CDK11B: variants seen among roughly 807,000 people sequenced by gnomAD.
CDK11B encodes the protein cyclin-dependent kinase 11B.
In CDK11B, 37 loss-of-function variants were observed where a neutral mutation model predicts 84.0. The observed-to-expected ratio is 0.44, with a 90% CI of 0.34 to 0.58. The LOEUF is 0.58. Among genes scored for constraint, CDK11B ranks in the 20% least tolerant of loss-of-function variants. CDK11B has a pLI of 0.02. For missense variants in CDK11B, 427 were observed against 834.0 expected (o/e 0.51, Z 6.01); for synonymous variants, 269 against 309.8 (o/e 0.87, Z 1.38).
At position 1,658,982 on chromosome 1, in the gene CDK11B, C is replaced by T; in HGVS notation, c.-82G>A. 5.1e-6 allele frequency: 1 copy of T among 197,884 alleles called. No homozygotes were observed. The highest frequency in any genetic ancestry group is 6.5e-5 in the South Asian group (1 of 15,468). The allele number at this position is 197,884 out of a possible 1,614,324, so 12.3% of individuals were successfully genotyped here. On this transcript the variant is annotated 5_prime_UTR_variant, in exon 1 of 20. Coordinates refer to ENST00000341832, the MANE Select transcript of CDK11B (RefSeq NM_033486.3). ...GAGCCAGAGAAGAAACAGCAACCGG[C>T]GCGCGCCAAAAGTATCGTCACTTCC... is the stretch of plus-strand genomic sequence containing the variant.
chr1:1,639,751 C>A (rs1440643153), intron 11 of CDK11B, among the ~76,000 whole-genome samples: 3 of 152,042 alleles, frequency 2.0e-5, no homozygotes, highest in Admixed American at 6.6e-5. Flanking sequence ...TCTCCCAGGC[C>A]CCAGAGGCCA....
chr1:1,650,727 TGAACTCCC>T (rs1641902446), intron 4 of CDK11B, among the ~76,000 whole-genome samples: 1 of 149,692 alleles, frequency 6.7e-6, no homozygotes, highest in Non-Finnish European at 1.5e-5. Context: ...AGGCTGGTCT[TGAACTCCC>T]GGACTCAATT....
intron 5 of CDK11B, among the ~76,000 whole-genome samples, chr1:1,649,213 C>T (rs2100904302): frequency 6.6e-6 from 1 of 152,254 alleles, no homozygotes; most frequent in East Asian, 1.9e-4. Context: ...CATTCTCCTG[C>T]CTCAGCCTCC....
rs200286198 is a variant in CDK11B at position 1,637,828 on chromosome 1, C to T, written c.1398G>A (p.Pro466=). 1,838 of 1,613,418 alleles carry T rather than the reference C, an allele frequency of 1.1e-3. 4 individuals carry two copies. The highest frequency in any genetic ancestry group is 0.011 in the African/African-American group (798 of 74,896). Residue 466 remains proline, a synonymous_variant, in exon 13 of 20, where the codon CCG becomes CCA. Transcript: ENST00000341832. ...LKMEKEKEGF[P]ITSLREINTI... is the part of the protein sequence containing the mutation. ...TGTTGATCTCCCTCAGCGACGTGAT[C>T]GGGAAGCCCTCCTTCTCCTTCTCCA...
intron 1 of CDK11B, 91 bp downstream of exon 1, chr1:1,658,823 T>C (rs1643154120): frequency 2.6e-5 from 4 of 153,942 alleles, no homozygotes; most frequent in Admixed American, 6.6e-5. Context: ...CGGGCCCGGG[T>C]CCGCCCCGCT....
intron 3 of CDK11B, among the ~76,000 whole-genome samples, chr1:1,654,747 C>A (rs1368722070): frequency 6.6e-6 from 1 of 151,826 alleles, no homozygotes; most frequent in Non-Finnish European, 1.5e-5. Context: ...CAAGCTCCAC[C>A]TCCTGGGTTC....
At chr1:1,638,910 G>C (rs1188635119) in intron 11 of CDK11B, among the ~76,000 whole-genome samples, 1 of 151,302 alleles carries the variant, frequency 6.6e-6, no homozygotes, top group South Asian at 2.1e-4. Context: ...AGACCAGCCC[G>C]GCCAACATAG....
chr1:1,638,825 G>A (rs185272303), intron 11 of CDK11B, among the ~76,000 whole-genome samples: 277 of 152,116 alleles, frequency 1.8e-3, no homozygotes, highest in African/African-American at 6.1e-3. Flanking sequence ...TCCCAGCCAG[G>A]TGCAAGGGCT....
At chr1:1,658,282 T>C (rs1181226507) in intron 1 of CDK11B, among the ~76,000 whole-genome samples, 1 of 149,296 alleles carries the variant, frequency 6.7e-6, no homozygotes, top group Non-Finnish European at 1.5e-5. Flanking sequence ...AGTTCCAGGC[T>C]GAAGTGCGCT....
At chr1:1,637,335 C>T in intron 14 of CDK11B, 73 bp downstream of exon 14, 2 of 1,575,548 alleles carry the variant, frequency 1.3e-6, no homozygotes. Flanking sequence ...CTCCCTGCAG[C>T]ACTGTCACCG....
intron 4 of CDK11B, among the ~76,000 whole-genome samples, chr1:1,650,000 G>T (rs1243510191): frequency 6.8e-6 from 1 of 147,544 alleles, no homozygotes; most frequent in Non-Finnish European, 1.5e-5. Context: ...AAGACCGGGC[G>T]CGGTGGCTCA....
rs184923655 is a variant in CDK11B, at chr1:1,637,067, G to A, written c.1692+14C>T. On this transcript the variant is annotated intron_variant, in intron 15 of 19. Coordinates refer to ENST00000341832, the MANE Select transcript of CDK11B (RefSeq NM_033486.3). ...CAGGTCTCCCTGGGATGGGCCACTC[G>A]GAGGGGGGCTCACCTTGAGGATGCC... 1.0e-4 allele frequency: 162 copies of A among 1,613,532 alleles called. 2 individuals carry two copies. In the African/African-American group the frequency reaches 1.7e-3, roughly 17 times the overall value.
intron 3 of CDK11B, among the ~76,000 whole-genome samples, chr1:1,654,820 G>A (rs773351410): frequency 4.0e-5 from 6 of 151,736 alleles, no homozygotes; most frequent in East Asian, 1.9e-4. Flanking sequence ...CACCACGCCC[G>A]GCTAATTTTC....
intron 4 of CDK11B, among the ~76,000 whole-genome samples, chr1:1,651,062 T>C (rs1395287603): frequency 1.4e-4 from 21 of 152,312 alleles, no homozygotes; most frequent in South Asian, 1.0e-3. Context: ...CCACATTAAT[T>C]AATCAAGTGT....
At chr1:1,641,231 G>C (rs1451844367) in intron 9 of CDK11B, 118 bp from the exon 10 acceptor site, 50 of 1,529,202 alleles carry the variant, frequency 3.3e-5, no homozygotes, top group Non-Finnish European at 3.0e-5. Context: ...TATGCAGGCC[G>C]GGCGCGGTGG....
At chr1:1,649,993 A>ATTAAGG (rs1641696656) in intron 4 of CDK11B, among the ~76,000 whole-genome samples, 1 of 145,662 alleles carries the variant, frequency 6.9e-6, no homozygotes, top group Non-Finnish European at 1.5e-5. Context: ...TGAAATTAAG[A>ATTAAGG]CCGGGCGCGG....
intron 2 of CDK11B, 139 bp from the exon 3 acceptor site, chr1:1,655,623 TAA>T: frequency 1.5e-6 from 2 of 1,327,702 alleles, no homozygotes; most frequent in Non-Finnish European, 2.0e-6. Flanking sequence ...GCCAGTGTTA[TAA>T]AATATAAAGA....
At chr1:1,637,997 G>C in intron 12 of CDK11B, 114 bp from the exon 13 acceptor site, 2 of 1,523,100 alleles carry the variant, frequency 1.3e-6, no homozygotes, top group South Asian at 1.2e-5. Flanking sequence ...TTTCACGGAG[G>C]GGGGTCTCGT....
chr1:1,649,609 T>C lies in CDK11B; in HGVS notation c.384A>G (p.Glu128=), dbSNP rs1204480273. The C allele has an allele frequency of 5.6e-6, 9 of 1,609,038 alleles. No homozygotes were observed. Among genetic ancestry groups the C allele is most frequent in the African/African-American group, 4.0e-5 (3 of 74,832 alleles). Residue 128 remains glutamate, a synonymous_variant, in exon 5 of 20, where the codon GAA becomes GAG. Coordinates refer to ENST00000341832, the MANE Select transcript of CDK11B (RefSeq NM_033486.3). ...GGKHARVKEK[E]REHERRKRHR... ...GCCGTTTCCGACGTTCGTGCTCTCTTTCTTTTTCTTTCACTCTAGCATGCT... is the reference window on the plus strand; with the variant it reads ...GCCGTTTCCGACGTTCGTGCTCTCTCTCTTTTTCTTTCACTCTAGCATGCT...
Sources: allele counts gnomAD v4.1 joint callset (sites outside exome capture counted in the v4.1 genomes callset), GRCh38; gene constraint gnomAD v4.1.1; transcripts MANE v1.5; gene names NCBI Gene and HGNC (gene_info 2026-07-23, HGNC 2026-07-21).